Variants in ESR1 observed in about 807,000 individuals in gnomAD.
ESR1 encodes estrogen receptor.
A neutral mutation model predicts 52.7 loss-of-function variants in ESR1; 12 were observed. The ratio of observed to expected loss-of-function variants is 0.23; its 90% CI spans 0.15 to 0.37. The LOEUF (loss-of-function observed/expected upper bound fraction) is 0.37, where lower values mean the gene tolerates loss of function less well. Ranked by LOEUF, ESR1 falls within the 10% of genes least tolerant of loss-of-function variation. The probability of loss-of-function intolerance (pLI) is 1.00; values close to 1 mark genes in which losing one functional copy is unlikely to be tolerated. For synonymous variants in ESR1, 305 were observed against 316.8 expected (o/e 0.96, Z 0.39); for missense variants, 584 against 779.7 (o/e 0.75, Z 2.99).
At chr6:152,037,356 A>G (rs566545623) in intron 5 of ESR1, among the ~76,000 whole-genome samples, 29 of 152,324 alleles carry the variant, frequency 1.9e-4, no homozygotes, top group African/African-American at 6.5e-4. Flanking sequence ...TATCAAGATA[A>G]TCTCTTATTT....
rs77694152 is a variant in ESR1, at chr6:151,937,474, A to G, written c.761-6699A>G. 8.3e-3 allele frequency among the ~76,000 whole-genome samples: 1,266 copies of G among 152,294 alleles called. 71 individuals carry two copies. In the East Asian group the frequency reaches 0.15, roughly 18 times the overall value. On this transcript the variant is annotated intron_variant, in intron 3 of 7. Coordinates refer to ENST00000206249, the MANE Select transcript of ESR1 (RefSeq NM_000125.4). ...CTGAAGATAGGCAAGGTGACAAATTAGGAACTGTTGCAATGATCTAGGCAA... is the reference window on the plus strand; with the variant it reads ...CTGAAGATAGGCAAGGTGACAAATTGGGAACTGTTGCAATGATCTAGGCAA...
chr6:151,916,104 A>G (rs2030104750), intron 3 of ESR1, among the ~76,000 whole-genome samples: 2 of 152,190 alleles, frequency 1.3e-5, no homozygotes, highest in African/African-American at 4.8e-5. Flanking sequence ...TGAAAAGTGG[A>G]TAAGATCTTG....
chr6:151,911,146 G>T (rs192437286), intron 3 of ESR1, among the ~76,000 whole-genome samples: 310 of 152,270 alleles, frequency 2.0e-3, no homozygotes, highest in African/African-American at 7.1e-3. Context: ...CCAGTCTGTG[G>T]CCTGGGGGCT....
intron 1 of ESR1, among the ~76,000 whole-genome samples, chr6:151,837,121 C>CTTT (rs11372738): frequency 0.011 from 1,501 of 134,402 alleles, 31 homozygotes; most frequent in African/African-American, 0.04. Flanking sequence ...AGACATCCCT[C>CTTT]TTTTTTTTTT....
At chr6:151,976,473 C>T (rs536921554) in intron 4 of ESR1, among the ~76,000 whole-genome samples, 2 of 152,102 alleles carry the variant, frequency 1.3e-5, no homozygotes, top group African/African-American at 4.8e-5. Flanking sequence ...TAACTGCTTG[C>T]TTTCACACCA....
At chr6:151,734,779 T>C (rs1457470735) in intron 2 of ESR1, among the ~76,000 whole-genome samples, 1 of 151,978 alleles carries the variant, frequency 6.6e-6, no homozygotes, top group Non-Finnish European at 1.5e-5. Flanking sequence ...TGAACCACCA[T>C]GCCAGGCTAA....
Position 151,951,121 on chromosome 6 carries a change from C to A in ESR1, c.1096+6613C>A, listed in dbSNP as rs138024215. On this transcript the variant is annotated intron_variant, in intron 4 of 7. Transcript: ENST00000206249. ...GTTTCATGCATCTACCTCATAAATACCTTGTAAAAGATTTTACCCTTCAGA... is the reference window on the plus strand; with the variant it reads ...GTTTCATGCATCTACCTCATAAATAACTTGTAAAAGATTTTACCCTTCAGA... 5.6e-3 allele frequency among the ~76,000 whole-genome samples: 857 copies of A among 152,124 alleles called. 11 individuals are homozygous for A. The highest frequency in any genetic ancestry group is 0.02 in the African/African-American group (824 of 41,494).
intron 2 of ESR1, among the ~76,000 whole-genome samples, chr6:151,731,434 C>T (rs1782234528): frequency 6.6e-6 from 1 of 151,916 alleles, no homozygotes; most frequent in Non-Finnish European, 1.5e-5. Context: ...AAGAACTGGG[C>T]TTGGCTGGCT....
intron 3 of ESR1, among the ~76,000 whole-genome samples, chr6:151,919,163 C>G (rs1269734990): frequency 6.6e-6 from 1 of 152,128 alleles, no homozygotes; most frequent in Non-Finnish European, 1.5e-5. Context: ...TGGACACAAG[C>G]AATGGTAAAC....
chr6:152,112,954 G>C (rs66973956), intron 6 of ESR1: 12,167 of 152,336 alleles, frequency 0.08, 720 homozygotes, highest in East Asian at 0.26. Context: ...TGGATGTCAC[G>C]AACGTGTTTT....
At chr6:151,880,810 T>TGGGCGGTGGCCAG in intron 3 of ESR1, 39 bp downstream of exon 3, 1 of 1,052,668 alleles carries the variant, frequency 9.5e-7, no homozygotes, top group Non-Finnish European at 1.5e-6. Flanking sequence ...GGGATGGCCC[T>TGGGCGGTGGCCAG]GGCCACCGCC....
chr6:152,036,986 A>C (rs748780197), intron 5 of ESR1, among the ~76,000 whole-genome samples: 34 of 152,210 alleles, frequency 2.2e-4, no homozygotes, highest in Non-Finnish European at 3.8e-4. Flanking sequence ...TGTTTTTCTA[A>C]AAGCCCAGAA....
intron 3 of ESR1, among the ~76,000 whole-genome samples, chr6:151,925,454 A>G (rs1175883536): frequency 6.6e-6 from 1 of 152,132 alleles, no homozygotes; most frequent in Non-Finnish European, 1.5e-5. Flanking sequence ...TAAAAATACA[A>G]AAATTAGTCG....
At chr6:151,832,093 G>A (rs776283717) in intron 1 of ESR1, among the ~76,000 whole-genome samples, 5 of 152,138 alleles carry the variant, frequency 3.3e-5, no homozygotes, top group Admixed American at 6.6e-5. Context: ...AATAAATATT[G>A]TATCACTAAA....
intron 2 of ESR1, among the ~76,000 whole-genome samples, chr6:151,778,475 G>A (rs543542405): frequency 2.7e-5 from 4 of 150,100 alleles, no homozygotes; most frequent in East Asian, 1.9e-4. Flanking sequence ...GCATGATCTC[G>A]GCTCATTGCA....
intron 2 of ESR1, among the ~76,000 whole-genome samples, chr6:151,873,892 G>A (rs190665710): frequency 2.0e-5 from 3 of 152,244 alleles, no homozygotes; most frequent in East Asian, 1.9e-4. Context: ...GTAAATATTC[G>A]ATGAGTGCCT....
chr6:151,898,305 T>G (rs1795864129), intron 3 of ESR1, among the ~76,000 whole-genome samples: 1 of 152,102 alleles, frequency 6.6e-6, no homozygotes, highest in Admixed American at 6.5e-5. Flanking sequence ...CTTTTAGATT[T>G]CTCTTCTTTC....
chr6:151,693,592 G>A (rs1011698229), intron 1 of ESR1, among the ~76,000 whole-genome samples: 2 of 152,144 alleles, frequency 1.3e-5, no homozygotes, highest in Admixed American at 1.3e-4. Context: ...GTTGGGCAAT[G>A]TCTTAGTCCA....
intron 3 of ESR1, among the ~76,000 whole-genome samples, chr6:151,923,213 AG>A (rs1160288301): frequency 6.6e-6 from 1 of 152,084 alleles, no homozygotes; most frequent in Non-Finnish European, 1.5e-5. Context: ...TCCATTAGTG[AG>A]TTTGCTTCAT....
Sources: gnomAD v4.1 joint callset for allele counts (sites outside exome capture counted in the v4.1 genomes callset) on GRCh38, gnomAD v4.1.1 for gene constraint, MANE v1.5 for transcripts, NCBI Gene and HGNC (gene_info 2026-07-23, HGNC 2026-07-21) for gene names.